SLC35D4: variants seen among roughly 807,000 people sequenced by gnomAD.
The protein encoded by SLC35D4 is UDP-N-acetylglucosamine transporter SLC35D4.
the SLC35D4 span, chr18:23,430,646 G>GACA: frequency 6.2e-7 from 1 of 1,612,364 alleles, no homozygotes; most frequent in Non-Finnish European, 8.5e-7. Context: ...GAATAATGTA[G>GACA]GGTAGGTAAA....
chr18:23,371,373 G>C, the SLC35D4 span: 1 of 1,443,358 alleles, frequency 6.9e-7, no homozygotes, highest in Non-Finnish European at 9.3e-7. Flanking sequence ...GGGATTCCAG[G>C]TATGAGCCAC....
the SLC35D4 span, chr18:23,399,607 C>A: frequency 6.2e-7 from 1 of 1,613,974 alleles, no homozygotes; most frequent in South Asian, 1.1e-5. Flanking sequence ...ATTATACCCA[C>A]AAACAGCACT....
the SLC35D4 span, among the ~76,000 whole-genome samples, chr18:23,346,517 CTTT>C: frequency 6.9e-6 from 1 of 144,152 alleles, no homozygotes. Flanking sequence ...AATCTGGATG[CTTT>C]TTTTTTTTTC....
the SLC35D4 span, among the ~76,000 whole-genome samples, chr18:23,281,147 T>C: frequency 6.6e-6 from 1 of 151,976 alleles, no homozygotes; most frequent in East Asian, 1.9e-4. Flanking sequence ...GGGATGACAA[T>C]GGGTATGGGG....
the SLC35D4 span, among the ~76,000 whole-genome samples, chr18:23,378,794 G>A: frequency 6.6e-6 from 1 of 152,164 alleles, no homozygotes; most frequent in Non-Finnish European, 1.5e-5. Flanking sequence ...GCTAGTTCAG[G>A]CAGTGTGAAG....
chr18:23,283,681 T>C, the SLC35D4 span, among the ~76,000 whole-genome samples: 3 of 151,540 alleles, frequency 2.0e-5, no homozygotes, highest in Non-Finnish European at 4.4e-5. Flanking sequence ...TGGTGGCGCA[T>C]GCCTGTAATC....
the SLC35D4 span, among the ~76,000 whole-genome samples, chr18:23,429,076 T>C: frequency 6.6e-6 from 1 of 152,376 alleles, no homozygotes; most frequent in Non-Finnish European, 1.5e-5. Flanking sequence ...CCAGATTTTC[T>C]TTATCCAATC....
the SLC35D4 span, among the ~76,000 whole-genome samples, chr18:23,380,807 A>T: frequency 2.7e-5 from 4 of 150,776 alleles, no homozygotes; most frequent in East Asian, 5.8e-4. Flanking sequence ...TGTGTGCATG[A>T]GTGTGTGTGT....
At chr18:23,280,934 A>G in the SLC35D4 span, among the ~76,000 whole-genome samples, 1 of 151,890 alleles carries the variant, frequency 6.6e-6, no homozygotes, top group South Asian at 2.1e-4. Context: ...CCCTGCGTGG[A>G]GGACTCCCAC....
chr18:23,289,701 C>T, the SLC35D4 span, among the ~76,000 whole-genome samples: 4 of 152,196 alleles, frequency 2.6e-5, no homozygotes, highest in South Asian at 2.1e-4. Context: ...GACCTGCACA[C>T]ATCCAGATGG....
At chr18:23,247,715 T>C in the SLC35D4 span, among the ~76,000 whole-genome samples, 2 of 152,240 alleles carry the variant, frequency 1.3e-5, no homozygotes, top group Non-Finnish European at 2.9e-5. Context: ...GCCTGTGTTC[T>C]TCCCCACTGA....
chr18:23,316,027 T>G, the SLC35D4 span, among the ~76,000 whole-genome samples: 6 of 152,220 alleles, frequency 3.9e-5, no homozygotes, highest in Non-Finnish European at 8.8e-5. Context: ...ATGCAGAATC[T>G]CAGGTTCCAC....
At chr18:23,419,055 C>T in the SLC35D4 span, among the ~76,000 whole-genome samples, 11 of 152,078 alleles carry the variant, frequency 7.2e-5, no homozygotes, top group South Asian at 2.1e-4. Flanking sequence ...ATCTGATTAA[C>T]GGAGAAACTG....
the SLC35D4 span, among the ~76,000 whole-genome samples, chr18:23,273,689 T>C: frequency 1.3e-5 from 2 of 152,280 alleles, no homozygotes; most frequent in South Asian, 4.2e-4. Context: ...GAAGCGCTAA[T>C]GGATTTTAAA....
chr18:23,384,983 C>T, the SLC35D4 span: 74 of 1,612,684 alleles, frequency 4.6e-5, no homozygotes, highest in Middle Eastern at 1.6e-4. Flanking sequence ...TTTGCATGAT[C>T]GTTTACCTCT....
At chr18:23,399,031 A>C in the SLC35D4 span, among the ~76,000 whole-genome samples, 1 of 152,210 alleles carries the variant, frequency 6.6e-6, no homozygotes, top group Non-Finnish European at 1.5e-5. Context: ...TTAGCTCTTC[A>C]CAGTTCCTGC....
the SLC35D4 span, among the ~76,000 whole-genome samples, chr18:23,301,604 C>A: frequency 6.6e-6 from 1 of 152,098 alleles, no homozygotes; most frequent in African/African-American, 2.4e-5. Context: ...GAATGATGTG[C>A]GAAGGGAAAA....
the SLC35D4 span, among the ~76,000 whole-genome samples, chr18:23,245,550 G>A: frequency 3.3e-5 from 5 of 150,836 alleles, no homozygotes; most frequent in South Asian, 2.1e-4. Flanking sequence ...TTCTGCAGTC[G>A]ATATGGGAGA....
At chr18:23,281,774 G>A in the SLC35D4 span, among the ~76,000 whole-genome samples, 1 of 152,196 alleles carries the variant, frequency 6.6e-6, no homozygotes, top group African/African-American at 2.4e-5. Flanking sequence ...TTTGCCTCGA[G>A]GACAACTCAG....
Sources: allele counts gnomAD v4.1 joint callset (sites outside exome capture counted in the v4.1 genomes callset), GRCh38; gene constraint gnomAD v4.1.1; transcripts MANE v1.5; gene names NCBI Gene and HGNC (gene_info 2026-07-23, HGNC 2026-07-21).